The following KDM2B variants were observed in gnomAD, a reference collection of about 807,000 sequenced individuals.
KDM2B encodes the protein lysine-specific demethylase 2B.
Under a neutral mutation model 150.0 loss-of-function variants are expected in KDM2B, and 26 were observed. The observed-to-expected ratio is 0.17, with a 90% CI of 0.13 to 0.24. KDM2B has a LOEUF of 0.24. Among genes scored for constraint, KDM2B ranks in the 10% least tolerant of loss-of-function variants. KDM2B has a pLI of 1.00. For missense variants in KDM2B, 1,265 were observed against 1,816.9 expected (o/e 0.70, Z 5.52); for synonymous variants, 734 against 729.5 (o/e 1.01, Z -0.10).
intron 12 of KDM2B, among the ~76,000 whole-genome samples, chr12:121,487,895 C>T (rs782627021): frequency 2.6e-4 from 40 of 151,342 alleles, no homozygotes; most frequent in Non-Finnish European, 4.3e-4. Context: ...GATTGTACTG[C>T]GTCAGCCTCC....
chr12:121,442,579 G>GAGCTCCTTGCTC lies in KDM2B; in HGVS notation c.2850_2861dup (p.Ser951_Leu954dup). 2.5e-6 allele frequency: 4 copies of GAGCTCCTTGCTC among 1,601,274 alleles called. No homozygotes were observed. The highest frequency in any genetic ancestry group is 3.4e-6 in the Non-Finnish European group (4 of 1,179,822). On this transcript the variant is annotated inframe_insertion, in exon 19 of 23. Transcript: ENST00000377071. This position sits in a 1 kb window ranked among gnomAD's most constrained non-coding sequence, Gnocchi z 7.7. ...TCTCCGTCCTCTGGATCTCGTGGTT[G>GAGCTCCTTGCTC]AGCTCCTTGCTCAGCTCCCTGCTCA... is the stretch of plus-strand genomic sequence containing the variant.
rs368304352 is a variant in KDM2B, at chr12:121,433,201, A to G, written c.3830-2732T>C. 18 of 456,744 alleles carry G rather than the reference A, an allele frequency of 3.9e-5. No individual in the cohort carries two copies. In the East Asian group the frequency reaches 9.0e-4, roughly 23 times the overall value. 28.3% of individuals were successfully genotyped at this position (456,744 alleles called of 1,614,324 possible). A position where few individuals can be genotyped will look rare whatever the true frequency, so the allele number is the denominator to read the frequency against. On this transcript the variant is annotated intron_variant, in intron 22 of 22. Transcript: ENST00000377071. ...ACTGGAGCCCAAAGACCCTTCCAAC[A>G]AAGAAGCTAGAAGGAAAAGACTTTC...
At chr12:121,517,851 C>A (rs1389208104) in intron 9 of KDM2B, among the ~76,000 whole-genome samples, 1 of 152,056 alleles carries the variant, frequency 6.6e-6, no homozygotes, top group Non-Finnish European at 1.5e-5. Flanking sequence ...CCACCTCCTG[C>A]ATTTGGTTTC....
intron 6 of KDM2B, among the ~76,000 whole-genome samples, chr12:121,538,218 A>C (rs1229356999): frequency 6.6e-6 from 1 of 151,596 alleles, no homozygotes; most frequent in Non-Finnish European, 1.5e-5. Flanking sequence ...GCGCCAGGAG[A>C]CGCCCCTCGC....
intron 22 of KDM2B, among the ~76,000 whole-genome samples, chr12:121,434,204 T>TA (rs1873556494): frequency 6.6e-6 from 1 of 151,556 alleles, no homozygotes; most frequent in African/African-American, 2.4e-5. Context: ...TAAAGCACGT[T>TA]ACAGGCATAA....
Position 121,494,575 on chromosome 12 carries a change from T to C in KDM2B, c.1734+4A>G. The C allele has an allele frequency of 6.2e-7, 1 of 1,611,824 alleles. No homozygotes were observed. Among genetic ancestry groups the C allele is most frequent in the East Asian group, 2.2e-5 (1 of 44,844 alleles). ...CCGCCCGCTGCAGGCAGGCTGCGTC[T>C]TACCTTTGGAGTCTTCTTTGGCCAA... On this transcript the variant is annotated splice_donor_region_variant and intron_variant, in intron 12 of 22. Transcript: ENST00000377071.
rs1406220847 is a variant in KDM2B at position 121,521,105 on chromosome 12, G to C, written c.932-5C>G. 1 of 1,606,148 alleles carries C rather than the reference G, an allele frequency of 6.2e-7. No homozygotes were observed. On this transcript the variant is annotated splice_region_variant and splice_polypyrimidine_tract_variant and intron_variant, in intron 8 of 22. Transcript: ENST00000377071. This position sits in a 1 kb window ranked among gnomAD's most constrained non-coding sequence, Gnocchi z 4.9. Reference sequence around the variant, plus strand: ...TGTAGACGGCATGGATCCAACCTGGGGTGGGAAGGGCAAGGAGAGGATGAG... The same window carrying C: ...TGTAGACGGCATGGATCCAACCTGGCGTGGGAAGGGCAAGGAGAGGATGAG...
intron 12 of KDM2B, among the ~76,000 whole-genome samples, chr12:121,480,583 C>CAAAAAAAAAA (rs35490517): frequency 4.7e-5 from 3 of 63,248 alleles, no homozygotes; most frequent in South Asian, 8.1e-4. Context: ...CTGTCGCTAC[C>CAAAAAAAAAA]AAAAAAAAAA....
At chr12:121,481,558 G>A (rs953087975) in intron 12 of KDM2B, among the ~76,000 whole-genome samples, 1 of 151,884 alleles carries the variant, frequency 6.6e-6, no homozygotes, top group African/African-American at 2.4e-5. Flanking sequence ...GGCGGGGAAT[G>A]ACAACTTATT....
chr12:121,560,571 G>A (rs778428702), intron 4 of KDM2B, among the ~76,000 whole-genome samples: 4 of 151,906 alleles, frequency 2.6e-5, no homozygotes, highest in South Asian at 2.1e-4. Flanking sequence ...TCCCAGGGGC[G>A]AGGCACTGAG....
chr12:121,416,139 G>T, the KDM2B span: 1 of 1,605,584 alleles, frequency 6.2e-7, no homozygotes, highest in Non-Finnish European at 8.5e-7. Flanking sequence ...TTAAACTGTG[G>T]GATTTGTGTT....
intron 12 of KDM2B, among the ~76,000 whole-genome samples, chr12:121,482,803 A>C: frequency 6.6e-6 from 1 of 152,214 alleles, no homozygotes; most frequent in East Asian, 1.9e-4. Flanking sequence ...TCATTCATTC[A>C]ACAAGTATTT....
chr12:121,411,188 A>G, the KDM2B span, among the ~76,000 whole-genome samples: 1 of 152,162 alleles, frequency 6.6e-6, no homozygotes, highest in African/African-American at 2.4e-5. Context: ...TTGGCCACCT[A>G]AAGTGCTGGG....
chr12:121,580,831 T>C lies in KDM2B; in HGVS notation c.81A>G (p.Lys27=), dbSNP rs201377995. The C allele has an allele frequency of 6.2e-7, 1 of 1,614,160 alleles. No individual in the cohort carries two copies. The highest frequency in any genetic ancestry group is 2.2e-5 in the East Asian group (1 of 44,880). The change falls in exon 1 of 23, where the codon AAA becomes AAG. Residue 27 remains lysine (K), a synonymous_variant. Transcript: ENST00000377071. ...CAAAGCATTTTGTATATATAACTGT[T>C]TTCTTTTTTTGCTTTTCTGCTGCAT... ...KRHAAEKQKK[K]TVIYTKCFEF...
chr12:121,452,707 G>A lies in KDM2B; in HGVS notation c.1959+413C>T, dbSNP rs896013041. 6.6e-6 allele frequency among the ~76,000 whole-genome samples: 1 copy of A among 152,144 alleles called. No individual in the cohort carries two copies. Among genetic ancestry groups the A allele is most frequent in the African/African-American group, 2.4e-5 (1 of 41,436 alleles). On this transcript the variant is annotated intron_variant, in intron 13 of 22. Transcript: ENST00000377071. This position sits in a 1 kb window ranked among gnomAD's most constrained non-coding sequence, Gnocchi z 4.4. ...GGGCGGGCCAGGCTCTCCCGGGCGC[G>A]GCTCCTCAGTACCATAAATCACTCC...
At chr12:121,423,376 T>C in the KDM2B span, 1 of 1,595,948 alleles carries the variant, frequency 6.3e-7, no homozygotes, top group Non-Finnish European at 8.6e-7. The surrounding 1 kb of genome is among the most constrained non-coding windows in gnomAD (Gnocchi z 4.3). Context: ...AGCTCTCTGT[T>C]GCCTTTCAGA....
chr12:121,561,805 G>A (rs899673993), intron 4 of KDM2B, among the ~76,000 whole-genome samples: 1 of 152,162 alleles, frequency 6.6e-6, no homozygotes, highest in African/African-American at 2.4e-5. Flanking sequence ...TCCCATTTGT[G>A]AAATGGGGAA....
chr12:121,443,644 C>T, intron 17 of KDM2B, 36 bp downstream of exon 17: 1 of 1,330,882 alleles, frequency 7.5e-7, no homozygotes, highest in Non-Finnish European at 1.1e-6. Context: ...CTCGCCAGTC[C>T]CCGGGGCCTC....
chr12:121,574,750 T>C (rs1012922814), intron 3 of KDM2B, among the ~76,000 whole-genome samples, 157 bp from the exon 4 acceptor site: 4 of 152,144 alleles, frequency 2.6e-5, no homozygotes, highest in Non-Finnish European at 2.9e-5. Flanking sequence ...AGTAGACCAG[T>C]TGATGCCTCC....
Sources: allele counts gnomAD v4.1 joint callset (sites outside exome capture counted in the v4.1 genomes callset), GRCh38; gene constraint gnomAD v4.1.1; non-coding constraint Gnocchi (gnomAD v3.1); transcripts MANE v1.5; gene names NCBI Gene and HGNC (gene_info 2026-07-23, HGNC 2026-07-21).